C13orf46: variants seen among roughly 807,000 people sequenced by gnomAD.
C13orf46 encodes uncharacterized protein C13orf46.
chr13:113,931,064 C>T, the C13orf46 span, among the ~76,000 whole-genome samples: 15 of 152,266 alleles, frequency 9.9e-5, no homozygotes, highest in African/African-American at 2.9e-4. Context: ...TGTGTATTTG[C>T]CCCGTGTTTC....
At chr13:113,971,393 A>C (rs1404031248) in intron 1 of C13orf46, among the ~76,000 whole-genome samples, 1 of 152,224 alleles carries the variant, frequency 6.6e-6, no homozygotes, top group Non-Finnish European at 1.5e-5. Flanking sequence ...CCAATGGCCG[A>C]CCACGAGGGG....
At position 113,967,347 on chromosome 13, in the gene C13orf46, A is replaced by G. The variant is rs1259123331; in HGVS notation, c.498T>C (p.Ala166=). Reference sequence around the variant, plus strand: ...TGCGGTTTTCCATTTTTACCTCCTCAGCATGGTCTCCCAGATCAATCTCCA... The same window carrying G: ...TGCGGTTTTCCATTTTTACCTCCTCGGCATGGTCTCCCAGATCAATCTCCA... ...VFVEIDLGDH[A]EEVVTDAKKE... Residue 166 remains alanine (A), a synonymous_variant, in exon 5 of 7, where the codon GCT becomes GCC. Transcript: ENST00000636427. 14 of 152,222 alleles carry G rather than the reference A, an allele frequency of 9.2e-5. No individual in the cohort carries two copies. The highest frequency in any genetic ancestry group is 3.4e-4 in the African/African-American group (14 of 41,438). 9.4% of individuals were successfully genotyped at this position (152,222 alleles called of 1,614,324 possible).
chr13:113,949,995 G>A (rs2052482637), downstream of C13orf46, among the ~76,000 whole-genome samples: 1 of 150,628 alleles, frequency 6.6e-6, no homozygotes, highest in African/African-American at 2.5e-5. Context: ...CTGTAGAGTG[G>A]GGTCCTCGCC....
At chr13:113,937,980 T>C in the C13orf46 span, among the ~76,000 whole-genome samples, 6 of 152,162 alleles carry the variant, frequency 3.9e-5, no homozygotes, top group African/African-American at 1.4e-4. Flanking sequence ...GAGGCAGGCG[T>C]GTAGCTTTTT....
At chr13:113,965,775 G>GAT (rs2052633153) in intron 5 of C13orf46, among the ~76,000 whole-genome samples, 80 of 147,806 alleles carry the variant, frequency 5.4e-4, no homozygotes, top group African/African-American at 2.0e-3. Context: ...TGATGGTGAT[G>GAT]GTGATGATGG....
the C13orf46 span, among the ~76,000 whole-genome samples, chr13:113,931,146 G>T: frequency 1.1e-3 from 172 of 152,362 alleles, no homozygotes; most frequent in Middle Eastern, 3.4e-3. Flanking sequence ...GACGCCAGAC[G>T]TGACTGGCAC....
the C13orf46 span, among the ~76,000 whole-genome samples, chr13:113,930,499 T>G: frequency 6.6e-6 from 1 of 152,196 alleles, no homozygotes; most frequent in African/African-American, 2.4e-5. Context: ...CAGGGCAAGG[T>G]GCCTCCTGGT....
chr13:113,971,217 T>C (rs2052701609), intron 1 of C13orf46, among the ~76,000 whole-genome samples: 1 of 152,126 alleles, frequency 6.6e-6, no homozygotes, highest in African/African-American at 2.4e-5. Flanking sequence ...GGGATTCAAA[T>C]ACAACAGGGA....
chr13:113,941,884 C>T, the C13orf46 span, among the ~76,000 whole-genome samples: 5 of 152,254 alleles, frequency 3.3e-5, no homozygotes, highest in East Asian at 1.9e-4. Context: ...TTACTCTCAC[C>T]GCCTTCCTCT....
At chr13:113,945,565 GAAAGAAAGAA>G in the C13orf46 span, among the ~76,000 whole-genome samples, 34 of 91,178 alleles carry the variant, frequency 3.7e-4, no homozygotes, top group Non-Finnish European at 4.0e-4. Context: ...AAGAAAGAAA[GAAAGAAAGAA>G]AGAGAGAGAG....
chr13:113,944,938 G>C, the C13orf46 span, among the ~76,000 whole-genome samples: 1 of 7,856 alleles, frequency 1.3e-4, no homozygotes, highest in African/African-American at 7.0e-4. Flanking sequence ...CTCCAGGTGT[G>C]TGATGGGCCC....
In C13orf46 at chr13:113,955,464, T is replaced by C. The variant is rs1378265417; in HGVS notation, c.*1309A>G. 1.4e-5 allele frequency: 2 copies of C among 147,954 alleles called. No individual in the cohort carries two copies. The highest frequency in any genetic ancestry group is 2.8e-5 in the Non-Finnish European group (2 of 71,004). The allele number at this position is 147,954 out of a possible 1,614,324, so 9.2% of individuals were successfully genotyped here. A position where few individuals can be genotyped will look rare whatever the true frequency, so the allele number is the denominator to read the frequency against. ...GAGCATCCGGTGGAGAGGAGGAGCA[T>C]CTCGAGGAGCGGAGGAGCATCTGGC... On this transcript the variant is annotated 3_prime_UTR_variant, in exon 7 of 7. Coordinates refer to ENST00000636427, the MANE Select transcript of C13orf46 (RefSeq NM_001365455.2).
chr13:113,949,854 C>G, downstream of C13orf46, among the ~76,000 whole-genome samples: 1 of 137,928 alleles, frequency 7.3e-6, no homozygotes, highest in South Asian at 2.5e-4. Context: ...GTGGGGTCAT[C>G]ATTCTTGCTT....
In C13orf46 at chr13:113,955,725, A is replaced by G. The variant is rs1305178574; in HGVS notation, c.*1048T>C. ...GCGGAGAGGAGGAGTAGTGTCTGGC[A>G]GAGACGAGGAGTAGTGTCTGGCAGA... On this transcript the variant is annotated 3_prime_UTR_variant, in exon 7 of 7. Coordinates refer to ENST00000636427, the MANE Select transcript of C13orf46 (RefSeq NM_001365455.2). 4.2e-3 allele frequency: 463 copies of G among 111,324 alleles called. 10 individuals carry two copies. The highest frequency in any genetic ancestry group is 0.014 in the African/African-American group (368 of 26,884). 6.9% of individuals were successfully genotyped at this position (111,324 alleles called of 1,614,324 possible). A position where few individuals can be genotyped will look rare whatever the true frequency, so the allele number is the denominator to read the frequency against.
the C13orf46 span, among the ~76,000 whole-genome samples, chr13:113,935,457 T>G: frequency 6.6e-6 from 1 of 152,232 alleles, no homozygotes; most frequent in South Asian, 2.1e-4. Context: ...GAGCCCGGGG[T>G]AGCTGCTGCG....
the C13orf46 span, among the ~76,000 whole-genome samples, chr13:113,948,141 T>A: frequency 6.6e-6 from 1 of 152,194 alleles, no homozygotes; most frequent in South Asian, 2.1e-4. Context: ...TATCTGGCAA[T>A]TTTTTAAAAA....
intron 2 of C13orf46, among the ~76,000 whole-genome samples, chr13:113,969,440 C>A (rs1034501190): frequency 6.6e-6 from 1 of 152,256 alleles, no homozygotes; most frequent in Non-Finnish European, 1.5e-5. Context: ...AGGCTCCAGG[C>A]GCCGCACACA....
chr13:113,966,062 GAAT>G (rs1358553595), intron 5 of C13orf46, among the ~76,000 whole-genome samples: 3 of 145,748 alleles, frequency 2.1e-5, no homozygotes, highest in African/African-American at 7.4e-5. Flanking sequence ...CTGGTGATGG[GAAT>G]GATGGTGGTG....
intron 6 of C13orf46, among the ~76,000 whole-genome samples, chr13:113,963,968 G>A (rs914964962): frequency 6.6e-6 from 1 of 151,888 alleles, no homozygotes; most frequent in South Asian, 2.1e-4. Context: ...CTCCTGCCTC[G>A]GCCTCCCTAG....
Sources: gnomAD v4.1 joint callset for allele counts (sites outside exome capture counted in the v4.1 genomes callset) on GRCh38, gnomAD v4.1.1 for gene constraint, MANE v1.5 for transcripts, NCBI Gene and HGNC (gene_info 2026-07-23, HGNC 2026-07-21) for gene names.